The following CDS2 variants were observed in gnomAD, a reference collection of about 807,000 sequenced individuals.
CDS2 encodes CDP-diacylglycerol synthase 2.
A neutral mutation model predicts 59.0 loss-of-function variants in CDS2; 47 were observed. That is an observed-to-expected ratio of 0.80 (90% confidence interval 0.63 to 1.02). The LOEUF (loss-of-function observed/expected upper bound fraction) is 1.02. CDS2 is among the 50% of genes least tolerant of loss of function. The pLI is 0.00. For missense variants in CDS2, 356 were observed against 558.9 expected, an observed-to-expected ratio of 0.64 and a Z score of 3.66; for synonymous variants, 207 against 206.4, an observed-to-expected ratio of 1.00 and a Z score of -0.02.
intron 4 of CDS2, among the ~76,000 whole-genome samples, chr20:5,177,232 T>C (rs2091001272): frequency 6.6e-6 from 1 of 152,092 alleles, no homozygotes; most frequent in South Asian, 2.1e-4. Context: ...AGCATCCCAC[T>C]AGAGTTGTCT....
intron 8 of CDS2, 33 bp from the exon 9 acceptor site, chr20:5,185,725 A>G: frequency 6.3e-7 from 1 of 1,596,026 alleles, no homozygotes; most frequent in South Asian, 1.1e-5. Context: ...TTATCAAAAC[A>G]CCCTTTGCTG....
chr20:5,152,201 TAAAC>T (rs2090798267), intron 1 of CDS2, among the ~76,000 whole-genome samples: 3 of 152,260 alleles, frequency 2.0e-5, no homozygotes, highest in African/African-American at 4.8e-5. Context: ...CTGGTGCTGA[TAAAC>T]TAACTAGGAG....
At chr20:5,185,656 G>C (rs2091062141) in intron 8 of CDS2, 102 bp from the exon 9 acceptor site, 3 of 1,012,532 alleles carry the variant, frequency 3.0e-6, no homozygotes, top group Non-Finnish European at 4.6e-6. Context: ...ATGGTTAAGA[G>C]AATGGGGTTT....
intron 1 of CDS2, among the ~76,000 whole-genome samples, chr20:5,141,138 G>A (rs1247289128): frequency 6.6e-6 from 1 of 152,108 alleles, no homozygotes; most frequent in Non-Finnish European, 1.5e-5. Context: ...CTATCTTGGA[G>A]CTGGCCATAA....
At chr20:5,186,880 G>A (rs759998007) in intron 10 of CDS2, 41 bp downstream of exon 10, 161 of 1,609,890 alleles carry the variant, frequency 1.0e-4, no homozygotes, top group Non-Finnish European at 1.3e-4. Flanking sequence ...TCCATGGACA[G>A]TGGCTACAAA....
At chr20:5,154,193 C>T (rs2090814966) in intron 1 of CDS2, among the ~76,000 whole-genome samples, 1 of 152,224 alleles carries the variant, frequency 6.6e-6, no homozygotes, top group Non-Finnish European at 1.5e-5. Flanking sequence ...CAGCCAGCAC[C>T]TCTGGGAGTA....
In CDS2 at chr20:5,131,352, A is replaced by T. The variant is rs6116658; in HGVS notation, c.57+4203A>T. 2.0e-5 allele frequency among the ~76,000 whole-genome samples: 3 copies of T among 152,044 alleles called. No homozygotes were observed. The South Asian group carries it at 6.2e-4, about 31-fold the overall frequency. On this transcript the variant is annotated intron_variant, in intron 1 of 12. Transcript: ENST00000460006. ...TTATAATTTTAAAGTCCCAAAGCACAGTATAGTTGCCAAACTAAGAAACTT... is the reference window on the plus strand; with the variant it reads ...TTATAATTTTAAAGTCCCAAAGCACTGTATAGTTGCCAAACTAAGAAACTT...
rs771763847 is a variant in CDS2 at position 5,190,919 on chromosome 20, A to G, written c.*685A>G. The G allele has an allele frequency of 1.3e-5, 2 of 152,648 alleles. No individual in the cohort carries two copies. Among genetic ancestry groups the G allele is most frequent in the Non-Finnish European group, 2.9e-5 (2 of 68,054 alleles). 9.5% of individuals were successfully genotyped at this position (152,648 alleles called of 1,614,324 possible). On this transcript the variant is annotated 3_prime_UTR_variant, in exon 13 of 13. Transcript: ENST00000460006. ...TAGTCTGGAGAAAAAACACACTGTA[A>G]TATTTCAAGTGTATGCAGTAGAATG... is the stretch of plus-strand genomic sequence containing the variant.
intron 1 of CDS2, among the ~76,000 whole-genome samples, chr20:5,170,824 TAAA>T (rs1057015810): frequency 3.9e-5 from 6 of 152,014 alleles, no homozygotes; most frequent in Non-Finnish European, 5.9e-5. Flanking sequence ...GCAAGGCTAA[TAAA>T]GAAGAAAAGA....
At chr20:5,175,401 C>T (rs376904293) in intron 3 of CDS2, 122 bp downstream of exon 3, 3 of 740,468 alleles carry the variant, frequency 4.1e-6, no homozygotes, top group South Asian at 3.2e-5. Context: ...TCTCAGAAAA[C>T]CTCTGCCATA....
intron 1 of CDS2, among the ~76,000 whole-genome samples, chr20:5,145,236 A>ACCCCCCCCCC (rs796723724): frequency 8.3e-4 from 43 of 52,002 alleles, no homozygotes; most frequent in Non-Finnish European, 9.4e-4. Flanking sequence ...GAAAGGAAAG[A>ACCCCCCCCCC]CCCCCCCCCC....
At chr20:5,165,543 CTTTTTTTG>C (rs1294838217) in intron 1 of CDS2, among the ~76,000 whole-genome samples, 3 of 120,358 alleles carry the variant, frequency 2.5e-5, no homozygotes, top group Non-Finnish European at 3.8e-5. Flanking sequence ...GGGAAGCCGT[CTTTTTTTG>C]TTTTTTTGTT....
At chr20:5,131,092 T>TAAAA (rs1049352468) in intron 1 of CDS2, among the ~76,000 whole-genome samples, 1 of 105,106 alleles carries the variant, frequency 9.5e-6, no homozygotes, top group African/African-American at 3.5e-5. Context: ...GACTCTGTCT[T>TAAAA]AAAAAAAAAA....
intron 1 of CDS2, among the ~76,000 whole-genome samples, chr20:5,144,744 A>T (rs1460490379): frequency 6.6e-6 from 1 of 152,216 alleles, no homozygotes; most frequent in Admixed American, 6.5e-5. Context: ...TGAGGATTAC[A>T]TGCATTCTGT....
intron 1 of CDS2, among the ~76,000 whole-genome samples, chr20:5,135,590 G>A (rs991718902): frequency 1.3e-5 from 2 of 152,174 alleles, no homozygotes; most frequent in Admixed American, 6.5e-5. Context: ...TTGTCATGTG[G>A]TGGTTACTTG....
intron 1 of CDS2, among the ~76,000 whole-genome samples, chr20:5,140,063 A>G (rs1291875460): frequency 6.6e-6 from 1 of 152,170 alleles, no homozygotes; most frequent in Non-Finnish European, 1.5e-5. Context: ...TGGGTTCCCA[A>G]CGTGCTGGGA....
At chr20:5,182,616 C>T (rs2091039419) in intron 6 of CDS2, among the ~76,000 whole-genome samples, 171 bp downstream of exon 6, 5 of 152,172 alleles carry the variant, frequency 3.3e-5, no homozygotes, top group Admixed American at 6.5e-5. Context: ...AATGGCTCTA[C>T]GTTGACTTAG....
chr20:5,150,460 G>A (rs934084993), intron 1 of CDS2, among the ~76,000 whole-genome samples: 2 of 152,190 alleles, frequency 1.3e-5, no homozygotes, highest in African/African-American at 4.8e-5. Context: ...CCACGGGTTG[G>A]CCAAAGAGCC....
chr20:5,158,863 T>C (rs1404760068), intron 1 of CDS2, among the ~76,000 whole-genome samples: 1 of 152,196 alleles, frequency 6.6e-6, no homozygotes, highest in Non-Finnish European at 1.5e-5. Flanking sequence ...TTGCAAACTG[T>C]GTTCTCTGCT....
Sources: allele counts gnomAD v4.1 joint callset (sites outside exome capture counted in the v4.1 genomes callset), GRCh38; gene constraint gnomAD v4.1.1; transcripts MANE v1.5; gene names NCBI Gene and HGNC (gene_info 2026-07-23, HGNC 2026-07-21).